The following PLSCR1 variants were observed in gnomAD, a reference collection of about 807,000 sequenced individuals.
The protein encoded by PLSCR1 is PL scramblase 1.
PLSCR1 carries 17 observed loss-of-function variants against 37.8 expected under a neutral mutation model. That is an observed-to-expected ratio of 0.45 (90% CI 0.31 to 0.68). The LOEUF (loss-of-function observed/expected upper bound fraction) is 0.68, where lower values mean the gene tolerates loss of function less well. PLSCR1 is among the 30% of genes least tolerant of loss of function. The pLI is 0.06. For missense variants in PLSCR1, 347 were observed against 380.9 expected (o/e 0.91, Z 0.74); for synonymous variants, 116 against 125.9 (o/e 0.92, Z 0.53).
At chr3:146,527,828 T>G (rs1413768836) in intron 4 of PLSCR1, 3 of 152,228 alleles carry the variant, frequency 2.0e-5, no homozygotes, top group African/African-American at 7.2e-5. Context: ...TGTATGTGTA[T>G]AGACTGGACA....
intron 3 of PLSCR1, 81 bp from the exon 4 acceptor site, chr3:146,528,912 T>A: frequency 1.0e-6 from 1 of 966,458 alleles, no homozygotes; most frequent in Non-Finnish European, 1.5e-6. Context: ...GCCATCTATC[T>A]ATAAGTTGAC....
chr3:146,522,119 TATA>T, intron 5 of PLSCR1, 66 bp from the exon 6 acceptor site: 1 of 929,050 alleles, frequency 1.1e-6, no homozygotes. Context: ...ATCCAGATAT[TATA>T]ATATCTAGCT....
intron 1 of PLSCR1, chr3:146,541,098 C>G (rs1242685751): frequency 1.3e-5 from 2 of 152,024 alleles, no homozygotes; most frequent in Non-Finnish European, 1.5e-5. Context: ...CGGGATGAAA[C>G]TGAGGTGACT....
In PLSCR1 at chr3:146,515,831, C is replaced by T. The variant is rs1043227912; in HGVS notation, c.*214G>A. On this transcript the variant is annotated 3_prime_UTR_variant, in exon 9 of 9. Coordinates refer to ENST00000342435, the MANE Select transcript of PLSCR1 (RefSeq NM_021105.3). Reference sequence around the variant, plus strand: ...GAAGTTTCATTAATAAATGCAAAAACTCATATGTCCTTTTTCTCAAATTGA... The same window carrying T: ...GAAGTTTCATTAATAAATGCAAAAATTCATATGTCCTTTTTCTCAAATTGA... 2.6e-6 allele frequency: 1 copy of T among 377,694 alleles called. No homozygotes were observed. Among genetic ancestry groups the T allele is most frequent in the Admixed American group, 4.5e-5 (1 of 21,996 alleles). The allele number at this position is 377,694 out of a possible 1,614,324, so 23.4% of individuals were successfully genotyped here.
chr3:146,534,979 T>C (rs2044247388), intron 2 of PLSCR1, among the ~76,000 whole-genome samples: 1 of 152,122 alleles, frequency 6.6e-6, no homozygotes, highest in Non-Finnish European at 1.5e-5. Context: ...TTGTGAATCA[T>C]CACAAATCTC....
intron 3 of PLSCR1, among the ~76,000 whole-genome samples, chr3:146,529,425 C>T (rs1025974951): frequency 2.0e-5 from 3 of 152,000 alleles, no homozygotes; most frequent in Non-Finnish European, 4.4e-5. Flanking sequence ...CTTAAAAGAG[C>T]CAGAACAGCT....
At chr3:146,536,497 A>G (rs2044267385) in intron 2 of PLSCR1, 43 bp downstream of exon 2, 1 of 1,008,120 alleles carries the variant, frequency 9.9e-7, no homozygotes. Context: ...CAACAGATTA[A>G]CATTATAAGG....
At position 146,516,063 on chromosome 3, in the gene PLSCR1, T is replaced by C. The variant is rs764419890; in HGVS notation, c.939A>G (p.Gln313=). The change falls in exon 9 of 9, where the codon CAA becomes CAG. Residue 313 remains glutamine (Q), a synonymous_variant. Coordinates refer to ENST00000342435, the MANE Select transcript of PLSCR1 (RefSeq NM_021105.3). The stretch of plus-strand genomic sequence containing the variant: ...TAATCCACTACCACACTCCTGATTT[T>C]TGTTCCTGGCTGCCAGTGCTTTCAA... ...MFFESTGSQE[Q]KSGVW is the part of the protein sequence containing the mutation. 26 of 1,609,434 alleles carry C rather than the reference T, an allele frequency of 1.6e-5. No homozygotes were observed. Among genetic ancestry groups the C allele is most frequent in the Non-Finnish European group, 2.1e-5 (25 of 1,176,764 alleles).
At position 146,515,966 on chromosome 3, in the gene PLSCR1, A is replaced by T; in HGVS notation, c.*79T>A. On this transcript the variant is annotated 3_prime_UTR_variant, in exon 9 of 9. Coordinates refer to ENST00000342435, the MANE Select transcript of PLSCR1 (RefSeq NM_021105.3). ...ACCAGAGCTACAGGCCTTACAGCTT[A>T]ATTCATACAGGTATGAGTTTAGATA... The T allele has an allele frequency of 1.1e-6, 1 of 870,748 alleles. No individual in the cohort carries two copies. The highest frequency in any genetic ancestry group is 1.9e-6 in the Non-Finnish European group (1 of 531,050). The allele number at this position is 870,748 out of a possible 1,614,324, so 53.9% of individuals were successfully genotyped here. A position where few individuals can be genotyped will look rare whatever the true frequency, so the allele number is the denominator to read the frequency against.
chr3:146,524,112 A>G (rs1415549349), intron 5 of PLSCR1, among the ~76,000 whole-genome samples: 3 of 152,180 alleles, frequency 2.0e-5, no homozygotes, highest in African/African-American at 7.2e-5. Flanking sequence ...TGAAATAGTC[A>G]AATGTTTGAT....
At chr3:146,525,739 A>C (rs1337566872) in intron 4 of PLSCR1, 92 bp from the exon 5 acceptor site, 1 of 602,612 alleles carries the variant, frequency 1.7e-6, no homozygotes, top group Non-Finnish European at 3.0e-6. Context: ...TATATTTTTA[A>C]AGTACATGTA....
In PLSCR1 at chr3:146,528,636, G is replaced by A; in HGVS notation, c.290C>T (p.Pro97Leu). The A allele has an allele frequency of 6.2e-7, 1 of 1,613,668 alleles. No individual in the cohort carries two copies. Among genetic ancestry groups the A allele is most frequent in the Non-Finnish European group, 8.5e-7 (1 of 1,179,558 alleles). The change falls in exon 4 of 9, where the codon CCT becomes CTT. Residue 97 changes from proline to leucine, a missense_variant. Transcript: ENST00000342435. ...PAPQPPLNCPPGLEYLSQIDQ... is the reference protein window; with the variant it reads ...PAPQPPLNCPLGLEYLSQIDQ... ...TACCTGACTTAAATATTCTAATCCA[G>A]GTGGACAGTTTAATGGAGGCTGTGG...
intron 8 of PLSCR1, 56 bp from the exon 9 acceptor site, chr3:146,516,157 T>A (rs1382451160): frequency 9.3e-7 from 1 of 1,071,010 alleles, no homozygotes; most frequent in Non-Finnish European, 1.4e-6. Flanking sequence ...AGAGATCAAT[T>A]ATCAGATGCA....
intron 1 of PLSCR1, among the ~76,000 whole-genome samples, chr3:146,543,122 G>C (rs1333420352): frequency 6.6e-6 from 1 of 152,076 alleles, no homozygotes; most frequent in Non-Finnish European, 1.5e-5. Flanking sequence ...TCCATAGGTA[G>C]AATTCCTGAG....
At chr3:146,529,905 T>C (rs900247534) in intron 3 of PLSCR1, among the ~76,000 whole-genome samples, 11 of 152,210 alleles carry the variant, frequency 7.2e-5, no homozygotes, top group African/African-American at 2.4e-4. Flanking sequence ...ATTGCTTTCC[T>C]AAGTCCTTCT....
At chr3:146,518,363 T>TA (rs1255796241) in intron 7 of PLSCR1, among the ~76,000 whole-genome samples, 2 of 152,178 alleles carry the variant, frequency 1.3e-5, no homozygotes, top group African/African-American at 4.8e-5. Flanking sequence ...AGTCAGTGCT[T>TA]AAATACATCC....
intron 7 of PLSCR1, among the ~76,000 whole-genome samples, chr3:146,520,481 A>G (rs1019836186): frequency 4.6e-5 from 7 of 152,174 alleles, no homozygotes; most frequent in African/African-American, 1.7e-4. Flanking sequence ...ATACATGCAT[A>G]TTATGCACAC....
chr3:146,536,603 AG>A, intron 1 of PLSCR1, 38 bp from the exon 2 acceptor site: 2 of 1,272,546 alleles, frequency 1.6e-6, no homozygotes, highest in Non-Finnish European at 2.3e-6. Context: ...ACTGTCTACA[AG>A]GCCACAAGTC....
At chr3:146,521,761 G>C in intron 6 of PLSCR1, 56 bp from the exon 7 acceptor site, 1 of 1,579,254 alleles carries the variant, frequency 6.3e-7, no homozygotes, top group African/African-American at 1.4e-5. Context: ...TAGGTTCGAT[G>C]AAAGGTTCAA....
Sources: gnomAD v4.1 joint callset for allele counts (sites outside exome capture counted in the v4.1 genomes callset) on GRCh38, gnomAD v4.1.1 for gene constraint, MANE v1.5 for transcripts, NCBI Gene and HGNC (gene_info 2026-07-23, HGNC 2026-07-21) for gene names.